PRKACB: variants seen among roughly 807,000 people sequenced by gnomAD.
PRKACB encodes cAMP-dependent protein kinase catalytic subunit beta.
Under a neutral mutation model 51.4 loss-of-function variants are expected in PRKACB, and 16 were observed. That is an observed-to-expected ratio of 0.31 (90% CI 0.21 to 0.47). The LOEUF (loss-of-function observed/expected upper bound fraction) is 0.47. Ranked by LOEUF, PRKACB falls within the 20% of genes least tolerant of loss-of-function variation. The probability of loss-of-function intolerance (pLI) is 1.00; values close to 1 mark genes in which losing one functional copy is unlikely to be tolerated. For missense variants in PRKACB, 309 were observed against 464.5 expected (o/e 0.67, Z 3.08); for synonymous variants, 147 against 154.4 (o/e 0.95, Z 0.35).
At chr1:84,190,008 C>A (rs1666279120) in intron 5 of PRKACB, among the ~76,000 whole-genome samples, 1 of 151,782 alleles carries the variant, frequency 6.6e-6, no homozygotes, top group Non-Finnish European at 1.5e-5. Flanking sequence ...TTTTTCCAAA[C>A]CCCCAGTCTT....
At chr1:84,133,097 C>T (rs766222592) in intron 1 of PRKACB, among the ~76,000 whole-genome samples, 8 of 151,466 alleles carry the variant, frequency 5.3e-5, no homozygotes, top group Non-Finnish European at 8.8e-5. Flanking sequence ...TGCAGAAAAC[C>T]AAAAACTAAG....
intron 9 of PRKACB, among the ~76,000 whole-genome samples, chr1:84,219,457 T>TGGTGATCCACCC (rs1673364866): frequency 1.3e-5 from 2 of 152,110 alleles, no homozygotes; most frequent in African/African-American, 4.8e-5. Context: ...ACTCCTGACC[T>TGGTGATCCACCC]GCCTCAGCCT....
Position 84,092,031 on chromosome 1 carries a change from ATAT to A in PRKACB, c.46+13662_46+13664del, listed in dbSNP as rs377255561. 4.1e-3 allele frequency among the ~76,000 whole-genome samples: 624 copies of A among 152,306 alleles called. 3 individuals carry two copies. Among genetic ancestry groups the A allele is most frequent in the African/African-American group, 0.013 (561 of 41,558 alleles). On this transcript the variant is annotated intron_variant, in intron 1 of 8. Transcript: ENST00000370688. The stretch of plus-strand genomic sequence containing the variant: ...GGTTTTTGTCGTAATCTACTTTATA[ATAT>A]TCTGTGTAGTAGAATTGAGAAACTA...
intron 1 of PRKACB, among the ~76,000 whole-genome samples, chr1:84,104,662 A>G (rs1649596200): frequency 6.6e-6 from 1 of 152,126 alleles, no homozygotes; most frequent in African/African-American, 2.4e-5. Context: ...TAGTCATTCA[A>G]ACCGAGGTGA....
At chr1:84,165,879 G>A (rs903313260) in intron 1 of PRKACB, among the ~76,000 whole-genome samples, 5 of 151,754 alleles carry the variant, frequency 3.3e-5, no homozygotes, top group African/African-American at 7.2e-5. Flanking sequence ...TTTAAGAGAA[G>A]TAGAATATGG....
At chr1:84,108,292 A>G (rs574368095) in intron 1 of PRKACB, among the ~76,000 whole-genome samples, 1 of 147,800 alleles carries the variant, frequency 6.8e-6, no homozygotes, top group Non-Finnish European at 1.5e-5. Flanking sequence ...ATGGACAGAA[A>G]GATGGGAACA....
At chr1:84,221,384 T>TTA (rs1553188417) in intron 9 of PRKACB, among the ~76,000 whole-genome samples, 25 of 151,772 alleles carry the variant, frequency 1.6e-4, no homozygotes, top group African/African-American at 6.0e-4. Context: ...GTTATTTTTT[T>TTA]AAAAAAAAAA....
At chr1:84,129,626 T>C (rs1000646272) in intron 1 of PRKACB, among the ~76,000 whole-genome samples, 4 of 152,188 alleles carry the variant, frequency 2.6e-5, no homozygotes, top group African/African-American at 9.6e-5. Context: ...ATTAAATTAT[T>C]AAAATCAGAA....
chr1:84,215,780 G>C (rs1302705126), intron 9 of PRKACB, among the ~76,000 whole-genome samples: 1 of 152,082 alleles, frequency 6.6e-6, no homozygotes, highest in Admixed American at 6.6e-5. Context: ...AGATTTTGCT[G>C]CACTGAATTA....
At chr1:84,180,572 T>C (rs2100974688) in intron 2 of PRKACB, among the ~76,000 whole-genome samples, 1 of 151,786 alleles carries the variant, frequency 6.6e-6, no homozygotes, top group Non-Finnish European at 1.5e-5. Context: ...TTATGGAAAA[T>C]AAAAGAAAAA....
chr1:84,191,389 C>T (rs913576914), intron 5 of PRKACB, among the ~76,000 whole-genome samples: 1 of 151,930 alleles, frequency 6.6e-6, no homozygotes, highest in Middle Eastern at 3.2e-3. Flanking sequence ...GCTGAGAGGT[C>T]CCCTGCTGAT....
At chr1:84,100,326 A>C (rs1260974725) in intron 1 of PRKACB, among the ~76,000 whole-genome samples, 4 of 152,166 alleles carry the variant, frequency 2.6e-5, no homozygotes, top group African/African-American at 9.7e-5. Flanking sequence ...TGGCAATACA[A>C]TTCAAGACAA....
chr1:84,180,901 AGTTT>A lies in PRKACB; in HGVS notation c.250-1294_250-1291del, dbSNP rs142068250. ...CACATATTCTGTTGTCTATTAATAAAGTTTGTTTTCATTATTTGGTTGGTACTAT... is the reference window on the plus strand; with the variant it reads ...CACATATTCTGTTGTCTATTAATAAAGTTTTCATTATTTGGTTGGTACTAT... On this transcript the variant is annotated intron_variant, in intron 2 of 9. Transcript: ENST00000370685. 9.1e-3 allele frequency among the ~76,000 whole-genome samples: 1,384 copies of A among 152,138 alleles called. 25 individuals are homozygous for A. Among genetic ancestry groups the A allele is most frequent in the African/African-American group, 0.031 (1,275 of 41,542 alleles).
At chr1:84,111,061 A>G (rs1262061188) in intron 1 of PRKACB, among the ~76,000 whole-genome samples, 2 of 151,898 alleles carry the variant, frequency 1.3e-5, no homozygotes, top group African/African-American at 2.4e-5. Context: ...CCTGCCTTCA[A>G]TTTCCCTAGT....
intron 1 of PRKACB, among the ~76,000 whole-genome samples, chr1:84,081,058 G>A (rs1354457682): frequency 6.6e-6 from 1 of 152,192 alleles, no homozygotes; most frequent in Non-Finnish European, 1.5e-5. Context: ...TTAGAACTCT[G>A]AAAATTGCTG....
At chr1:84,138,192 A>G (rs1439589323) in intron 1 of PRKACB, among the ~76,000 whole-genome samples, 1 of 152,190 alleles carries the variant, frequency 6.6e-6, no homozygotes, top group African/African-American at 2.4e-5. Flanking sequence ...CAGTGCTAGA[A>G]AGTAAGGATG....
At chr1:84,231,680 T>C (rs183294024) in intron 9 of PRKACB, among the ~76,000 whole-genome samples, 1 of 152,340 alleles carries the variant, frequency 6.6e-6, no homozygotes, top group Admixed American at 6.5e-5. Flanking sequence ...ATTTATCCAT[T>C]TCTTCTAGAT....
At chr1:84,078,117 C>CGCCGCT (rs1191819460), upstream of PRKACB, 173 of 473,990 alleles carry the variant, frequency 3.6e-4, no homozygotes, top group Admixed American at 1.0e-3. Flanking sequence ...CCGCCGCCGC[C>CGCCGCT]GCCGCTGCTG....
At chr1:84,143,308 C>G (rs1489402258), upstream of PRKACB, among the ~76,000 whole-genome samples, 1 of 151,990 alleles carries the variant, frequency 6.6e-6, no homozygotes, top group Admixed American at 6.6e-5. Flanking sequence ...AAAAATTAGC[C>G]GGGCATGGTG....
Sources: gnomAD v4.1 joint callset for allele counts (sites outside exome capture counted in the v4.1 genomes callset) on GRCh38, gnomAD v4.1.1 for gene constraint, MANE v1.5 for transcripts, NCBI Gene and HGNC (gene_info 2026-07-23, HGNC 2026-07-21) for gene names.